SLC8A1: variants seen among roughly 807,000 people sequenced by gnomAD.
SLC8A1 encodes solute carrier family 8 member A1, also known as sodium/calcium exchanger 1.
Under a neutral mutation model 68.3 loss-of-function variants are expected in SLC8A1, and 18 were observed. The ratio of observed to expected loss-of-function variants is 0.26; its 90% CI spans 0.18 to 0.39. SLC8A1 has a LOEUF of 0.39. Ranked by LOEUF, SLC8A1 falls within the 10% of genes least tolerant of loss-of-function variation. SLC8A1 has a pLI of 1.00. For missense variants in SLC8A1, 985 were observed against 1,156.7 expected (o/e 0.85, Z 2.15); for synonymous variants, 475 against 415.5 (o/e 1.14, Z -1.74).
intron 2 of SLC8A1, among the ~76,000 whole-genome samples, chr2:40,202,833 G>C (rs2054648834): frequency 6.6e-6 from 1 of 152,006 alleles, no homozygotes; most frequent in South Asian, 2.1e-4. Flanking sequence ...CTGCAAGCAT[G>C]TGTTCATAGC....
chr2:40,427,194 T>C lies in SLC8A1; in HGVS notation c.1808+1279A>G, dbSNP rs140809620. On this transcript the variant is annotated intron_variant, in intron 2 of 7. Coordinates refer to ENST00000406785, the Ensembl canonical transcript of SLC8A1. ...CTCGACACTACTTATCACTATAGTA[T>C]AACAACAAAGAGATGTAAAGACACT... Among the ~76,000 whole-genome samples the C allele has an allele frequency of 9.2e-3, 1,396 of 152,196 alleles. 9 individuals are homozygous for C. Among genetic ancestry groups the C allele is most frequent in the South Asian group, 0.023 (113 of 4,826 alleles).
chr2:40,129,618 T>C (rs991637997), intron 7 of SLC8A1, among the ~76,000 whole-genome samples: 3 of 152,162 alleles, frequency 2.0e-5, no homozygotes, highest in African/African-American at 4.8e-5. Flanking sequence ...AGACTGACAC[T>C]CTTGTGAATG....
At chr2:40,298,202 A>G (rs2070780243) in intron 2 of SLC8A1, among the ~76,000 whole-genome samples, 1 of 152,190 alleles carries the variant, frequency 6.6e-6, no homozygotes, top group Non-Finnish European at 1.5e-5. Flanking sequence ...AAAAAACCCC[A>G]GTGTTCTTTC....
At chr2:40,104,350 T>C (rs920809980) in exon 8 of SLC8A1, 2 of 152,208 alleles carry the variant, frequency 1.3e-5, no homozygotes, top group Non-Finnish European at 2.9e-5. Flanking sequence ...TGTAATAAGA[T>C]TTTCCCAACT....
chr2:40,200,226 ATATAT>A (rs2054012709), intron 2 of SLC8A1, among the ~76,000 whole-genome samples: 3 of 34,024 alleles, frequency 8.8e-5, no homozygotes, highest in Non-Finnish European at 1.9e-4. Context: ...ATATTTTTTT[ATATAT>A]ATATATAAAT....
chr2:40,448,402 C>T lies in SLC8A1; in HGVS notation c.-25+3502G>A, dbSNP rs148737212. Among the ~76,000 whole-genome samples the T allele has an allele frequency of 7.2e-5, 11 of 152,286 alleles. No homozygotes were observed. The East Asian group carries it at 9.6e-4, about 13-fold the overall frequency. On this transcript the variant is annotated intron_variant, in intron 1 of 7. Coordinates refer to ENST00000406785, the Ensembl canonical transcript of SLC8A1. Reference sequence around the variant, plus strand: ...TCCAAATCTGAATCTCAAAGGCAGACGCTGAAAGCTCACATTCTCAGAATC... The same window carrying T: ...TCCAAATCTGAATCTCAAAGGCAGATGCTGAAAGCTCACATTCTCAGAATC...
intron 2 of SLC8A1, among the ~76,000 whole-genome samples, chr2:40,350,596 A>T (rs1670765978): frequency 4.5e-5 from 2 of 44,828 alleles, no homozygotes; most frequent in African/African-American, 2.6e-4. Flanking sequence ...GCAAAAAAAA[A>T]AAAAAAAAAA....
intron 2 of SLC8A1, among the ~76,000 whole-genome samples, chr2:40,311,691 T>G (rs778600777): frequency 2.0e-4 from 30 of 152,156 alleles, no homozygotes; most frequent in Non-Finnish European, 3.5e-4. Flanking sequence ...GTTTCTATAA[T>G]TTTTTGTTGT....
intron 2 of SLC8A1, among the ~76,000 whole-genome samples, chr2:40,217,660 A>G (rs529698757): frequency 6.6e-6 from 1 of 152,274 alleles, no homozygotes; most frequent in Non-Finnish European, 1.5e-5. Flanking sequence ...CCTCTACCCT[A>G]GACAATGAGT....
chr2:40,492,129 C>T (rs534746680), intron 1 of SLC8A1, among the ~76,000 whole-genome samples: 1 of 152,220 alleles, frequency 6.6e-6, no homozygotes, highest in South Asian at 2.1e-4. Flanking sequence ...CAGCATGGTA[C>T]TGGTACCAAA....
At chr2:40,451,996 G>A in exon 1 of SLC8A1, 1 of 151,974 alleles carries the variant, frequency 6.6e-6, no homozygotes, top group Non-Finnish European at 1.5e-5. Flanking sequence ...CTCCCGATCA[G>A]GAAGAGGTCG....
chr2:40,312,210 C>A (rs929083913), intron 2 of SLC8A1, among the ~76,000 whole-genome samples: 1 of 152,228 alleles, frequency 6.6e-6, no homozygotes, highest in African/African-American at 2.4e-5. Context: ...TGTTATCCAC[C>A]TTTACCTCAT....
intron 2 of SLC8A1, among the ~76,000 whole-genome samples, chr2:40,326,194 C>T (rs927200153): frequency 3.9e-5 from 6 of 152,056 alleles, no homozygotes; most frequent in South Asian, 4.1e-4. Flanking sequence ...AGCTAGGGAC[C>T]GCAGCGTGGA....
At chr2:40,253,002 T>TATATATGTATATAC (rs1350558530) in intron 2 of SLC8A1, among the ~76,000 whole-genome samples, 2 of 134,770 alleles carry the variant, frequency 1.5e-5, no homozygotes, top group African/African-American at 2.8e-5. Context: ...TGTATATACA[T>TATATATGTATATAC]ATATATGTAT....
chr2:40,263,522 A>T (rs2064973286), intron 2 of SLC8A1, among the ~76,000 whole-genome samples: 1 of 152,204 alleles, frequency 6.6e-6, no homozygotes, highest in Non-Finnish European at 1.5e-5. Flanking sequence ...CCAATGGAAC[A>T]GAACAGAGCC....
intron 1 of SLC8A1, among the ~76,000 whole-genome samples, chr2:40,468,042 C>T (rs1039362081): frequency 6.6e-5 from 10 of 152,074 alleles, no homozygotes. Context: ...CCCATTTAAA[C>T]ATTGAGATAT....
At chr2:40,452,116 G>C (rs1016374403), upstream of SLC8A1, 6 of 145,900 alleles carry the variant, frequency 4.1e-5, no homozygotes, top group Non-Finnish European at 6.1e-5. Flanking sequence ...GCGCGGGCGG[G>C]AGGCAGGCGC....
At chr2:40,268,674 A>G (rs544576520) in intron 2 of SLC8A1, among the ~76,000 whole-genome samples, 1 of 152,310 alleles carries the variant, frequency 6.6e-6, no homozygotes, top group African/African-American at 2.4e-5. Flanking sequence ...CACAGTTGGT[A>G]GGCTACTTTC....
rs550010618 is a variant in SLC8A1 at position 40,438,403 on chromosome 2, T to A, written c.-24-8099A>T. ...ATCTGTATATATAGTGAGCCCTTCC[T>A]ATGTTTCTAGTTCTAGAGGCAATGA... is the stretch of plus-strand genomic sequence containing the variant. On this transcript the variant is annotated intron_variant, in intron 1 of 7. Coordinates refer to ENST00000406785, the Ensembl canonical transcript of SLC8A1. 3.3e-5 allele frequency among the ~76,000 whole-genome samples: 5 copies of A among 152,306 alleles called. No homozygotes were observed. In the East Asian group the frequency reaches 9.7e-4, roughly 29 times the overall value.
Sources: gnomAD v4.1 joint callset for allele counts (sites outside exome capture counted in the v4.1 genomes callset) on GRCh38, gnomAD v4.1.1 for gene constraint, MANE v1.5 for transcripts, NCBI Gene and HGNC (gene_info 2026-07-23, HGNC 2026-07-21) for gene names.